ZNF469: variants seen among roughly 807,000 people sequenced by gnomAD.
The protein encoded by ZNF469 is zinc finger protein 469.
A neutral mutation model predicts 1.0 loss-of-function variants in ZNF469; 1 was observed. The ratio of observed to expected loss-of-function variants is 1.00; its 90% CI spans 0.35 to 4.73. The LOEUF (loss-of-function observed/expected upper bound fraction) is 4.73. ZNF469 is among the 30% of genes most tolerant of loss of function. ZNF469 has a pLI of 0.16. For synonymous variants in ZNF469, 2,703 were observed against 2,363.4 expected (o/e 1.14, Z -4.17); for missense variants, 6,100 against 5,356.3 (o/e 1.14, Z -4.33).
the ZNF469 span, among the ~76,000 whole-genome samples, chr16:88,210,995 G>A: frequency 6.6e-6 from 1 of 152,276 alleles, no homozygotes; most frequent in Non-Finnish European, 1.5e-5. Flanking sequence ...AACTTCAGGA[G>A]AACCGATGCC....
chr16:88,203,168 G>C, the ZNF469 span, among the ~76,000 whole-genome samples: 1 of 152,270 alleles, frequency 6.6e-6, no homozygotes, highest in Admixed American at 6.5e-5. Flanking sequence ...GGCGAGTCCG[G>C]AGCATCCTCG....
chr16:88,299,355 G>A, the ZNF469 span, among the ~76,000 whole-genome samples: 1 of 152,094 alleles, frequency 6.6e-6, no homozygotes, highest in Non-Finnish European at 1.5e-5. Context: ...AGCAGGAGAG[G>A]GCTTCTTGGA....
the ZNF469 span, among the ~76,000 whole-genome samples, chr16:88,304,887 C>G: frequency 6.6e-6 from 1 of 152,178 alleles, no homozygotes; most frequent in Non-Finnish European, 1.5e-5. Flanking sequence ...GACTTGCTTC[C>G]CCTGCAAGAA....
the ZNF469 span, among the ~76,000 whole-genome samples, chr16:88,318,423 G>A: frequency 7.1e-6 from 1 of 139,990 alleles, no homozygotes; most frequent in South Asian, 2.2e-4. Flanking sequence ...GGTGTCCTCT[G>A]CCCCAGCTGC....
At chr16:88,161,160 C>A in the ZNF469 span, among the ~76,000 whole-genome samples, 47 of 143,834 alleles carry the variant, frequency 3.3e-4, no homozygotes, top group Non-Finnish European at 3.3e-4. Flanking sequence ...GACTCCATCT[C>A]AAAAAAAAAA....
the ZNF469 span, among the ~76,000 whole-genome samples, chr16:88,362,083 A>G: frequency 6.6e-6 from 1 of 152,220 alleles, no homozygotes; most frequent in Non-Finnish European, 1.5e-5. Context: ...TTCAGCTACT[A>G]TCGATTCTTC....
chr16:88,262,882 G>A, the ZNF469 span, among the ~76,000 whole-genome samples: 1 of 152,132 alleles, frequency 6.6e-6, no homozygotes, highest in Non-Finnish European at 1.5e-5. This position sits in a 1 kb window ranked among gnomAD's most constrained non-coding sequence, Gnocchi z 4.3. Context: ...GCAGATCTGC[G>A]TCCTGTGGTG....
chr16:88,287,893 T>G, the ZNF469 span, among the ~76,000 whole-genome samples: 1 of 152,216 alleles, frequency 6.6e-6, no homozygotes, highest in African/African-American at 2.4e-5. Flanking sequence ...TTCCTTTTCT[T>G]TATTGCACAT....
chr16:88,431,188 G>A lies in ZNF469; in HGVS notation c.3718G>A (p.Glu1240Lys), dbSNP rs1204181444. 1 of 1,550,238 alleles carries A rather than the reference G, an allele frequency of 6.5e-7. No individual in the cohort carries two copies. The highest frequency in any genetic ancestry group is 8.7e-7 in the Non-Finnish European group (1 of 1,146,976). Residue 1240 changes from glutamate to lysine, a missense_variant, in exon 3 of 3, where the codon GAA (glutamate) becomes AAA (lysine). Coordinates refer to ENST00000565624, the MANE Select transcript of ZNF469 (RefSeq NM_001367624.2). Reference sequence around the variant, plus strand: ...CGAAGAGTCAGCCCCGGACAGCACAGAATTCACAGAGGCTTTGCGTTCTCC... The same window carrying A: ...CGAAGAGTCAGCCCCGGACAGCACAAAATTCACAGAGGCTTTGCGTTCTCC... ...TAEESAPDSTEFTEALRSPPA... is the reference protein window; with the variant it reads ...TAEESAPDSTKFTEALRSPPA...
the ZNF469 span, among the ~76,000 whole-genome samples, chr16:88,195,470 A>G: frequency 2.6e-5 from 4 of 152,192 alleles, no homozygotes; most frequent in African/African-American, 9.7e-5. Context: ...TTCTGGGGGA[A>G]CAGAAGGTGA....
At chr16:88,146,193 C>T in the ZNF469 span, among the ~76,000 whole-genome samples, 1 of 152,230 alleles carries the variant, frequency 6.6e-6, no homozygotes, top group Non-Finnish European at 1.5e-5. Flanking sequence ...GCACCACGAC[C>T]CACCCGGGCC....
At chr16:88,231,689 A>G in the ZNF469 span, among the ~76,000 whole-genome samples, 1 of 150,712 alleles carries the variant, frequency 6.6e-6, no homozygotes, top group East Asian at 2.0e-4. The surrounding 1 kb of genome is among the most constrained non-coding windows in gnomAD (Gnocchi z 4.5). Flanking sequence ...TCCTTCTCAC[A>G]CCTCCTCCTC....
chr16:88,128,170 G>A, the ZNF469 span, among the ~76,000 whole-genome samples: 3 of 152,140 alleles, frequency 2.0e-5, no homozygotes, highest in Non-Finnish European at 4.4e-5. Context: ...CAGCACAGAT[G>A]CCTGAGCCGC....
At chr16:88,287,522 A>C in the ZNF469 span, among the ~76,000 whole-genome samples, 1 of 152,224 alleles carries the variant, frequency 6.6e-6, no homozygotes, top group Non-Finnish European at 1.5e-5. Flanking sequence ...CTTGAACTTC[A>C]GTTTCTTTAT....
chr16:88,409,128 C>T (rs1344792343), intron 1 of ZNF469, among the ~76,000 whole-genome samples: 2 of 152,180 alleles, frequency 1.3e-5, no homozygotes, highest in Non-Finnish European at 2.9e-5. Flanking sequence ...CCAGAGACCC[C>T]GGGAGTGCGG....
At chr16:88,225,855 A>C in the ZNF469 span, among the ~76,000 whole-genome samples, 2 of 152,202 alleles carry the variant, frequency 1.3e-5, no homozygotes, top group Non-Finnish European at 2.9e-5. Flanking sequence ...AGCTGTTTGC[A>C]AAGTACTTAG....
chr16:88,291,693 G>A, the ZNF469 span, among the ~76,000 whole-genome samples: 11 of 151,914 alleles, frequency 7.2e-5, no homozygotes, highest in South Asian at 2.1e-4. Context: ...AGCCCCGTGC[G>A]GAAGCACTTC....
chr16:88,361,674 G>A, the ZNF469 span, among the ~76,000 whole-genome samples: 3 of 151,580 alleles, frequency 2.0e-5, no homozygotes, highest in Admixed American at 2.0e-4. Context: ...TTTCTTAATG[G>A]TGACTTTTCA....
chr16:88,317,290 C>T, the ZNF469 span, among the ~76,000 whole-genome samples: 2 of 152,240 alleles, frequency 1.3e-5, no homozygotes, highest in Non-Finnish European at 2.9e-5. Flanking sequence ...CCCTCTTCTC[C>T]GTGGAGCCTC....
Sources: allele counts gnomAD v4.1 joint callset (sites outside exome capture counted in the v4.1 genomes callset), GRCh38; gene constraint gnomAD v4.1.1; non-coding constraint Gnocchi (gnomAD v3.1); transcripts MANE v1.5; gene names NCBI Gene and HGNC (gene_info 2026-07-23, HGNC 2026-07-21).